The following ADAMTS9 variants were observed in gnomAD, a reference collection of about 807,000 sequenced individuals.
ADAMTS9 encodes ADAM metallopeptidase with thrombospondin type 1 motif 9.
A neutral mutation model predicts 257.1 loss-of-function variants in ADAMTS9; 107 were observed. That is an observed-to-expected ratio of 0.42 (90% CI 0.36 to 0.49). The LOEUF (loss-of-function observed/expected upper bound fraction) is 0.49. Ranked by LOEUF, ADAMTS9 falls within the 20% of genes least tolerant of loss-of-function variation. ADAMTS9 has a pLI of 0.03. For synonymous variants in ADAMTS9, 982 were observed against 880.9 expected, an observed-to-expected ratio of 1.11 and a Z score of -2.03; for missense variants, 2,353 against 2,469.1, an observed-to-expected ratio of 0.95 and a Z score of 1.00.
chr3:64,528,463 T>C lies in ADAMTS9; in HGVS notation c.5718+4703A>G, dbSNP rs368150784. On this transcript the variant is annotated intron_variant, in intron 38 of 39. Coordinates refer to ENST00000498707, the MANE Select transcript of ADAMTS9 (RefSeq NM_182920.2). ...CCCTCATGCAGATATCTAAGCAGAG[T>C]GAGGAGAAACTTTACGACCCCTAGC... Among the ~76,000 whole-genome samples, 45 of 151,856 alleles carry C rather than the reference T, an allele frequency of 3.0e-4. No individual in the cohort carries two copies. The South Asian group carries it at 9.4e-3, about 32-fold the overall frequency.
chr3:64,663,907 G>A (rs895744980), intron 3 of ADAMTS9, among the ~76,000 whole-genome samples: 2 of 152,034 alleles, frequency 1.3e-5, no homozygotes, highest in Non-Finnish European at 2.9e-5. Context: ...ATTTTAGCAA[G>A]CAACTTTGAA....
intron 3 of ADAMTS9, among the ~76,000 whole-genome samples, chr3:64,659,311 T>C (rs1284443219): frequency 6.6e-6 from 1 of 151,890 alleles, no homozygotes; most frequent in Non-Finnish European, 1.5e-5. Context: ...TTACCAAAAA[T>C]ACAAAAATTA....
chr3:64,627,406 A>G (rs966876509), intron 16 of ADAMTS9, among the ~76,000 whole-genome samples: 1 of 152,120 alleles, frequency 6.6e-6, no homozygotes. Context: ...ATCCTATTTT[A>G]TCTTGCACTG....
intron 3 of ADAMTS9, among the ~76,000 whole-genome samples, chr3:64,677,799 A>C (rs935920629): frequency 3.9e-5 from 6 of 152,176 alleles, no homozygotes; most frequent in Non-Finnish European, 8.8e-5. Context: ...GAATATGGAC[A>C]GTTCCTGGTT....
In ADAMTS9 at chr3:64,546,839, GC is replaced by G; in HGVS notation, c.4982del (p.Gly1661AlafsTer12). ...YSYQTTINCP[G>X]TQPPSVHPCY... ...AGGGGTGAACACTGGGGGGCTGCGT[GC>G]CTGGGCAGTTGATGGTGGTTTGGTA... On this transcript the variant is annotated frameshift_variant, in exon 32 of 40. Transcript: ENST00000498707. LOFTEE classifies it high-confidence loss of function. The G allele has an allele frequency of 1.9e-6, 3 of 1,614,148 alleles. No individual in the cohort carries two copies. Among genetic ancestry groups the G allele is most frequent in the Non-Finnish European group, 2.5e-6 (3 of 1,180,002 alleles).
At position 64,658,507 on chromosome 3, in the gene ADAMTS9, A is replaced by C. The variant is rs1386362256; in HGVS notation, c.964T>G (p.Ser322Ala). Reference protein sequence around the residue: ...NLQHYILTLMSIVASIYKDPS... With the variant: ...NLQHYILTLMAIVASIYKDPS... ...CTTCGTTTGAATGTACTTACAATTG[A>C]CATTAAAGTTAAAATATAGTGTTGA... The change falls in exon 4 of 40, where the codon TCA (serine) becomes GCA (alanine). Residue 322 changes from serine to alanine, a missense_variant. Ser to Ala is a moderately conservative substitution (Grantham distance 99). This residue lies in a region of ADAMTS9 where 591 missense variants were observed against 569.6 expected (regional missense o/e 1.04). Transcript: ENST00000498707. The C allele has an allele frequency of 5.0e-6, 8 of 1,610,184 alleles. No homozygotes were observed. Among genetic ancestry groups the C allele is most frequent in the Non-Finnish European group, 6.8e-6 (8 of 1,178,462 alleles).
intron 25 of ADAMTS9, 130 bp from the exon 26 acceptor site, chr3:64,602,343 C>T: frequency 1.0e-6 from 1 of 957,656 alleles, no homozygotes; most frequent in Non-Finnish European, 1.5e-6. Context: ...TGGAATCACC[C>T]TTGTCTCCTC....
chr3:64,531,864 G>A (rs1328003226), intron 38 of ADAMTS9, among the ~76,000 whole-genome samples: 1 of 152,222 alleles, frequency 6.6e-6, no homozygotes, highest in Non-Finnish European at 1.5e-5. Flanking sequence ...GATGGGACGG[G>A]AGAAATGGGC....
chr3:64,667,470 G>C (rs1039759559), intron 3 of ADAMTS9, among the ~76,000 whole-genome samples: 1 of 152,180 alleles, frequency 6.6e-6, no homozygotes, highest in Non-Finnish European at 1.5e-5. Context: ...TCCCTCTCAG[G>C]GAGAGAAGGG....
intron 39 of ADAMTS9, among the ~76,000 whole-genome samples, chr3:64,519,379 C>G (rs1383792866): frequency 6.6e-6 from 1 of 152,122 alleles, no homozygotes; most frequent in African/African-American, 2.4e-5. Flanking sequence ...CTGCAAAGAG[C>G]TGGTACCAAT....
chr3:64,564,787 T>C (rs1428976565), intron 29 of ADAMTS9, among the ~76,000 whole-genome samples: 1 of 152,054 alleles, frequency 6.6e-6, no homozygotes, highest in Non-Finnish European at 1.5e-5. Flanking sequence ...AGCTTAGCTC[T>C]AGGCTAAGCA....
intron 26 of ADAMTS9, among the ~76,000 whole-genome samples, chr3:64,597,339 T>C (rs1386944256): frequency 6.6e-6 from 1 of 152,200 alleles, no homozygotes; most frequent in East Asian, 1.9e-4. Flanking sequence ...GACACGACAG[T>C]TAATTTGGAA....
In ADAMTS9 at chr3:64,641,948, C is replaced by T. The variant is rs143018191; in HGVS notation, c.1756G>A (p.Val586Met). 8.4e-5 allele frequency: 136 copies of T among 1,614,082 alleles called. No individual in the cohort carries two copies. In the South Asian group the frequency reaches 9.9e-4, roughly 12 times the overall value. Residue 586 changes from valine to methionine, a missense_variant, in exon 12 of 40, where the codon GTG becomes ATG. By Grantham distance (21) the Val-to-Met change is conservative (BLOSUM62 1). Coordinates refer to ENST00000498707, the MANE Select transcript of ADAMTS9 (RefSeq NM_182920.2). ...FCVPKEMDVP[V>M]TDGSWGSWSP... ...CAACTTCCCCAGGATCCATCTGTCACGGGGACATCCATTTCTTTGGGAACA... is the reference window on the plus strand; with the variant it reads ...CAACTTCCCCAGGATCCATCTGTCATGGGGACATCCATTTCTTTGGGAACA...
chr3:64,520,520 A>G (rs1224144637), intron 39 of ADAMTS9, among the ~76,000 whole-genome samples: 1 of 152,184 alleles, frequency 6.6e-6, no homozygotes, highest in Non-Finnish European at 1.5e-5. Context: ...CAGAGGTATC[A>G]TATTACCGGA....
At chr3:64,544,442 C>A in intron 32 of ADAMTS9, among the ~76,000 whole-genome samples, 1 of 152,014 alleles carries the variant, frequency 6.6e-6, no homozygotes, top group East Asian at 1.9e-4. Flanking sequence ...CAGAACAGAG[C>A]TCTCAGAAAT....
At chr3:64,557,256 G>C (rs2083351127) in intron 30 of ADAMTS9, among the ~76,000 whole-genome samples, 1 of 152,146 alleles carries the variant, frequency 6.6e-6, no homozygotes, top group Non-Finnish European at 1.5e-5. Context: ...AAGAACACAT[G>C]CAGGACCTGT....
chr3:64,525,275 T>C (rs1258268947), intron 38 of ADAMTS9, among the ~76,000 whole-genome samples: 1 of 152,190 alleles, frequency 6.6e-6, no homozygotes, highest in African/African-American at 2.4e-5. Context: ...TCAGTTCCCC[T>C]TATGCTTTAC....
intron 3 of ADAMTS9, among the ~76,000 whole-genome samples, chr3:64,667,659 C>A (rs1223438558): frequency 6.6e-6 from 1 of 152,152 alleles, no homozygotes; most frequent in Non-Finnish European, 1.5e-5. Flanking sequence ...CCCAAAAGCC[C>A]TTCTGTGTCC....
chr3:64,626,741 C>T (rs1700231412), intron 16 of ADAMTS9, among the ~76,000 whole-genome samples: 1 of 152,122 alleles, frequency 6.6e-6, no homozygotes, highest in Non-Finnish European at 1.5e-5. Flanking sequence ...GATCCCAACC[C>T]ATAGTAGGTG....
Sources: allele counts gnomAD v4.1 joint callset (sites outside exome capture counted in the v4.1 genomes callset), GRCh38; gene constraint gnomAD v4.1.1; regional missense constraint gnomAD v4.1.1; transcripts MANE v1.5; gene names NCBI Gene and HGNC (gene_info 2026-07-23, HGNC 2026-07-21).